The following L3MBTL4 variants were observed in gnomAD, a reference collection of about 807,000 sequenced individuals.
The protein encoded by L3MBTL4 is L3MBTL histone methyl-lysine binding protein 4, also known as lethal(3)malignant brain tumor-like protein 4.
L3MBTL4 carries 70 observed loss-of-function variants against 84.5 expected under a neutral mutation model. The ratio of observed to expected loss-of-function variants is 0.83; its 90% CI spans 0.68 to 1.01. The LOEUF is 1.01. Ranked by LOEUF, L3MBTL4 falls within the 50% of genes least tolerant of loss-of-function variation. The pLI, the probability that L3MBTL4 is intolerant of heterozygous loss-of-function variation, is 0.00. For missense variants in L3MBTL4, 715 were observed against 754.8 expected, an observed-to-expected ratio of 0.95 and a Z score of 0.62; for synonymous variants, 274 against 259.8, an observed-to-expected ratio of 1.05 and a Z score of -0.52.
chr18:6,282,082 A>C (rs1421899378), intron 4 of L3MBTL4, among the ~76,000 whole-genome samples: 1 of 152,190 alleles, frequency 6.6e-6, no homozygotes. Flanking sequence ...TGAGCACAGC[A>C]AACAAAGTGC....
intron 14 of L3MBTL4, among the ~76,000 whole-genome samples, chr18:6,112,441 A>G (rs183991717): frequency 1.4e-4 from 21 of 152,348 alleles, no homozygotes; most frequent in African/African-American, 3.4e-4. Flanking sequence ...AATTGAGTGC[A>G]TCACAACTAT....
At chr18:6,080,401 A>G (rs1299359834) in intron 16 of L3MBTL4, among the ~76,000 whole-genome samples, 1 of 152,220 alleles carries the variant, frequency 6.6e-6, no homozygotes, top group Admixed American at 6.5e-5. Context: ...ACGTAACTAA[A>G]AGAACACATG....
intron 4 of L3MBTL4, among the ~76,000 whole-genome samples, chr18:6,294,673 A>C (rs184395033): frequency 3.3e-5 from 5 of 152,072 alleles, no homozygotes; most frequent in African/African-American, 9.7e-5. Flanking sequence ...CTCCACTAGA[A>C]CTAAGTGCTG....
chr18:6,074,053 GTGT>G (rs2057778286), intron 16 of L3MBTL4, among the ~76,000 whole-genome samples: 1 of 150,830 alleles, frequency 6.6e-6, no homozygotes, highest in South Asian at 2.1e-4. Context: ...TTAATGTGAA[GTGT>G]TTTTTTGTTT....
intron 4 of L3MBTL4, among the ~76,000 whole-genome samples, chr18:6,290,897 T>C (rs2049835955): frequency 6.6e-6 from 1 of 152,142 alleles, no homozygotes; most frequent in Non-Finnish European, 1.5e-5. Context: ...CCCATCCAAC[T>C]TTCTAATATA....
intron 13 of L3MBTL4, among the ~76,000 whole-genome samples, chr18:6,152,760 CTT>C (rs1568210715): frequency 6.6e-6 from 1 of 152,024 alleles, no homozygotes; most frequent in Non-Finnish European, 1.5e-5. Flanking sequence ...TTGATGTAGT[CTT>C]TGTTTATTTT....
chr18:6,238,863 G>A (rs965470186), intron 9 of L3MBTL4, among the ~76,000 whole-genome samples: 4 of 151,792 alleles, frequency 2.6e-5, no homozygotes, highest in Admixed American at 6.6e-5. Context: ...CATATGTGGA[G>A]AAATGCTATA....
intron 4 of L3MBTL4, among the ~76,000 whole-genome samples, chr18:6,272,069 C>A (rs2048895631): frequency 6.6e-6 from 1 of 152,182 alleles, no homozygotes; most frequent in Non-Finnish European, 1.5e-5. Flanking sequence ...TTGACTGTTG[C>A]TGTTAAGCGT....
chr18:6,137,942 A>G (rs1406289869), intron 14 of L3MBTL4, among the ~76,000 whole-genome samples: 5 of 152,174 alleles, frequency 3.3e-5, no homozygotes, highest in Non-Finnish European at 7.3e-5. Flanking sequence ...ATTTGGTAGG[A>G]AAATTATTAG....
intron 1 of L3MBTL4, among the ~76,000 whole-genome samples, chr18:6,372,268 C>CTGG (rs1236474216): frequency 6.6e-6 from 1 of 152,196 alleles, no homozygotes; most frequent in Non-Finnish European, 1.5e-5. Context: ...CAGCATCCAC[C>CTGG]TGGTCCATAG....
intron 1 of L3MBTL4, among the ~76,000 whole-genome samples, chr18:6,328,236 A>G (rs1430495564): frequency 1.3e-5 from 2 of 152,230 alleles, no homozygotes; most frequent in Non-Finnish European, 2.9e-5. Context: ...CATAGGAGTA[A>G]TATTAACATA....
chr18:6,327,752 C>A (rs564654168), intron 1 of L3MBTL4, among the ~76,000 whole-genome samples: 2 of 152,124 alleles, frequency 1.3e-5, no homozygotes, highest in Non-Finnish European at 2.9e-5. Flanking sequence ...GGACAGCCAG[C>A]GTAGAGTTGT....
Position 6,160,601 on chromosome 18 carries a change from G to A in L3MBTL4, c.1096+11227C>T, listed in dbSNP as rs367987642. ...ACAAAAATTAGCCGGGCTTGGTGGC[G>A]GGGTCTGTAATCCCAGCTACCCAAG... On this transcript the variant is annotated intron_variant, in intron 13 of 18. Coordinates refer to ENST00000317931, the MANE Select transcript of L3MBTL4 (RefSeq NM_001330559.2). Among the ~76,000 whole-genome samples, 131 of 152,084 alleles carry A rather than the reference G, an allele frequency of 8.6e-4. 2 individuals carry two copies. The South Asian group carries it at 0.025, about 29-fold the overall frequency.
intron 1 of L3MBTL4, chr18:6,396,312 C>T (rs2055266277): frequency 1.3e-5 from 2 of 152,270 alleles, no homozygotes; most frequent in South Asian, 2.1e-4. Context: ...TTCTTGACTA[C>T]ACAGTGTTAG....
intron 12 of L3MBTL4, among the ~76,000 whole-genome samples, chr18:6,185,893 C>T (rs945821031): frequency 7.9e-5 from 12 of 152,012 alleles, no homozygotes; most frequent in African/African-American, 2.7e-4. Context: ...GCAAGGGGCC[C>T]GGATCTGGGC....
At chr18:6,294,063 C>T (rs543911548) in intron 4 of L3MBTL4, among the ~76,000 whole-genome samples, 1 of 151,960 alleles carries the variant, frequency 6.6e-6, no homozygotes, top group African/African-American at 2.4e-5. Flanking sequence ...AAGGATTGGT[C>T]GTACTGTGGT....
At chr18:6,040,026 C>A (rs1216831914) in intron 16 of L3MBTL4, among the ~76,000 whole-genome samples, 8 of 151,962 alleles carry the variant, frequency 5.3e-5, no homozygotes, top group Admixed American at 5.2e-4. Flanking sequence ...TCATTCTCTC[C>A]CTTTCAACTT....
At chr18:5,999,213 A>T (rs1279906952) in intron 16 of L3MBTL4, among the ~76,000 whole-genome samples, 1 of 152,232 alleles carries the variant, frequency 6.6e-6, no homozygotes, top group Admixed American at 6.5e-5. Flanking sequence ...TGCCTAGCAG[A>T]AACATTTTTC....
At chr18:6,041,554 G>A (rs2056401152) in intron 16 of L3MBTL4, among the ~76,000 whole-genome samples, 2 of 151,142 alleles carry the variant, frequency 1.3e-5, no homozygotes, top group African/African-American at 4.9e-5. Flanking sequence ...TGGCAGTCGG[G>A]AAGAGCCTCA....
Sources: allele counts gnomAD v4.1 joint callset (sites outside exome capture counted in the v4.1 genomes callset), GRCh38; gene constraint gnomAD v4.1.1; transcripts MANE v1.5; gene names NCBI Gene and HGNC (gene_info 2026-07-23, HGNC 2026-07-21).